NAV2: variants seen among roughly 807,000 people sequenced by gnomAD.
NAV2 encodes neuron navigator 2.
NAV2 carries 54 observed loss-of-function variants against 223.2 expected under a neutral mutation model. That is an observed-to-expected ratio of 0.24 (90% CI 0.19 to 0.30). The LOEUF (loss-of-function observed/expected upper bound fraction) is 0.30. NAV2 is among the 10% of genes least tolerant of loss of function. NAV2 has a pLI of 1.00. For synonymous variants in NAV2, 1,279 were observed against 1,239.3 expected (o/e 1.03, Z -0.67); for missense variants, 2,806 against 3,147.5 (o/e 0.89, Z 2.60).
intron 3 of NAV2, among the ~76,000 whole-genome samples, chr11:19,858,297 A>G (rs80282701): frequency 0.012 from 1,858 of 152,344 alleles, 28 homozygotes; most frequent in African/African-American, 0.042. Context: ...CGTATAAACA[A>G]GATCATGCAG....
At chr11:19,984,505 G>T (rs7943325) in intron 11 of NAV2, among the ~76,000 whole-genome samples, 19,802 of 152,118 alleles carry the variant, frequency 0.13, 1,719 homozygotes, top group African/African-American at 0.25. Context: ...GGGTGGTTTT[G>T]GTTATTGTTT....
At chr11:19,714,888 T>C (rs1462430694) in intron 1 of NAV2, among the ~76,000 whole-genome samples, 1 of 152,168 alleles carries the variant, frequency 6.6e-6, no homozygotes, top group African/African-American at 2.4e-5. Flanking sequence ...CTATATTTTC[T>C]TGGCAGTCAG....
chr11:19,535,977 A>C (rs2134473139), intron 1 of NAV2, among the ~76,000 whole-genome samples: 1 of 152,288 alleles, frequency 6.6e-6, no homozygotes, highest in Admixed American at 6.5e-5. Flanking sequence ...GGAAAACAGA[A>C]GCAGAAGAGC....
intron 1 of NAV2, chr11:19,575,289 C>T (rs2045540967): frequency 6.5e-6 from 1 of 154,290 alleles, no homozygotes; most frequent in East Asian, 1.9e-4. Context: ...ATTGCCTTGC[C>T]CTCCTGATGG....
Position 19,530,871 on chromosome 11 carries a change from G to A in NAV2, c.75+179844G>A, listed in dbSNP as rs187586748. On this transcript the variant is annotated intron_variant, in intron 1 of 37. Coordinates refer to the NAV2 transcript ENST00000360655. ...TTAAATGAATCTGCCAAGTCCCACA[G>A]CCACGAAGTAGTATATTCAGAATTT... Among the ~76,000 whole-genome samples, 499 of 152,322 alleles carry A rather than the reference G, an allele frequency of 3.3e-3. 2 individuals are homozygous for A. Among genetic ancestry groups the A allele is most frequent in the Non-Finnish European group, 4.9e-3 (331 of 68,032 alleles).
At chr11:19,447,612 A>T (rs1473738187) in intron 1 of NAV2, among the ~76,000 whole-genome samples, 1 of 152,198 alleles carries the variant, frequency 6.6e-6, no homozygotes, top group African/African-American at 2.4e-5. Context: ...ATTACCCTGA[A>T]TTCTTACAAC....
chr11:19,727,170 C>A (rs114338058), intron 1 of NAV2, among the ~76,000 whole-genome samples: 6 of 152,134 alleles, frequency 3.9e-5, no homozygotes, highest in African/African-American at 7.2e-5. Context: ...GAAGGGAAAC[C>A]CAGTCTTCAA....
In NAV2 at chr11:19,491,955, AAGAGAGAGAG is replaced by A. The variant is rs150403869; in HGVS notation, c.75+140950_75+140959del. Among the ~76,000 whole-genome samples the A allele has an allele frequency of 8.1e-3, 974 of 120,942 alleles. 14 individuals carry two copies. Among genetic ancestry groups the A allele is most frequent in the African/African-American group, 0.028 (899 of 32,500 alleles). The allele number at this position is 120,942 out of a possible 152,430, so 79.3% of individuals were successfully genotyped here. A position where few individuals can be genotyped will look rare whatever the true frequency, so the allele number is the denominator to read the frequency against. On this transcript the variant is annotated intron_variant, in intron 1 of 37. Transcript: ENST00000360655. ...GTGTCTCAGGGAATAGGGAGACTCA[AAGAGAGAGAG>A]AGAGAGAGAGAGAGAGAGAGAAAGA...
chr11:20,016,843 A>T (rs1205848885), intron 11 of NAV2, among the ~76,000 whole-genome samples: 1 of 6,804 alleles, frequency 1.5e-4, no homozygotes, highest in Non-Finnish European at 5.6e-4. Flanking sequence ...AAATACAAAA[A>T]AAAAAAAAAA....
chr11:19,937,095 G>A (rs1414058915), intron 7 of NAV2, among the ~76,000 whole-genome samples: 1 of 152,194 alleles, frequency 6.6e-6, no homozygotes, highest in Middle Eastern at 3.4e-3. Context: ...CCATGATCAC[G>A]CCACTGCACA....
chr11:20,077,523 T>C (rs768580443), intron 22 of NAV2, 29 bp from the exon 23 acceptor site: 8 of 1,557,560 alleles, frequency 5.1e-6, no homozygotes, highest in Non-Finnish European at 7.1e-6. Context: ...TGCAAGGTAA[T>C]ATAACTGAGG....
intron 10 of NAV2, among the ~76,000 whole-genome samples, chr11:19,964,041 A>G (rs1271524619): frequency 1.3e-5 from 2 of 152,134 alleles, no homozygotes; most frequent in African/African-American, 4.8e-5. Flanking sequence ...TTACAAGCTC[A>G]GCGCCACCCT....
intron 20 of NAV2, among the ~76,000 whole-genome samples, chr11:20,066,877 G>T (rs1296180841): frequency 6.6e-6 from 1 of 152,186 alleles, no homozygotes; most frequent in Non-Finnish European, 1.5e-5. Flanking sequence ...GTACAGCGAT[G>T]GGTAGAGAGA....
At chr11:19,793,206 C>CAAAAAAAAAAAA (rs557365857) in intron 1 of NAV2, among the ~76,000 whole-genome samples, 15 of 58,190 alleles carry the variant, frequency 2.6e-4, no homozygotes, top group Non-Finnish European at 5.0e-4. Flanking sequence ...CACTCTGTCT[C>CAAAAAAAAAAAA]AAAAAAAAAA....
intron 1 of NAV2, among the ~76,000 whole-genome samples, chr11:19,602,359 G>A (rs1351181671): frequency 6.6e-6 from 1 of 151,916 alleles, no homozygotes; most frequent in African/African-American, 2.4e-5. Flanking sequence ...TGTATTTTTA[G>A]TAGAGATGGG....
intron 1 of NAV2, among the ~76,000 whole-genome samples, chr11:19,388,597 G>A (rs1849130951): frequency 6.6e-6 from 1 of 152,184 alleles, no homozygotes; most frequent in Non-Finnish European, 1.5e-5. Flanking sequence ...GTCTGAGAGG[G>A]AGTGGGTGTG....
intron 3 of NAV2, among the ~76,000 whole-genome samples, chr11:19,856,227 T>C (rs1007387060): frequency 6.6e-6 from 1 of 152,248 alleles, no homozygotes; most frequent in Non-Finnish European, 1.5e-5. Flanking sequence ...TGTCCTGTAA[T>C]GGAATCCTTC....
chr11:19,982,252 GT>G (rs11302515), intron 10 of NAV2, among the ~76,000 whole-genome samples: 7,616 of 144,846 alleles, frequency 0.053, 610 homozygotes, highest in African/African-American at 0.18. Context: ...TTTTTGTTTT[GT>G]TTTTGTTTTT....
intron 2 of NAV2, among the ~76,000 whole-genome samples, chr11:19,833,994 T>C (rs796416250): frequency 7.2e-5 from 11 of 152,274 alleles, no homozygotes; most frequent in African/African-American, 2.6e-4. Flanking sequence ...GAATCTTACC[T>C]AACTTAACAT....
Sources: allele counts gnomAD v4.1 joint callset (sites outside exome capture counted in the v4.1 genomes callset), GRCh38; gene constraint gnomAD v4.1.1; transcripts MANE v1.5; gene names NCBI Gene and HGNC (gene_info 2026-07-23, HGNC 2026-07-21).